CTNS: variants seen among roughly 807,000 people sequenced by gnomAD.
The protein encoded by CTNS is cystinosin, lysosomal cystine transporter.
CTNS carries 27 observed loss-of-function variants against 43.7 expected under a neutral mutation model. The observed-to-expected ratio is 0.62, with a 90% CI of 0.46 to 0.85. The LOEUF (loss-of-function observed/expected upper bound fraction) is 0.85, where lower values mean the gene tolerates loss of function less well. Among genes scored for constraint, CTNS ranks in the 40% least tolerant of loss-of-function variants. The pLI is 0.00. For synonymous variants in CTNS, 187 were observed against 190.6 expected, an observed-to-expected ratio of 0.98 and a Z score of 0.16; for missense variants, 457 against 475.4, an observed-to-expected ratio of 0.96 and a Z score of 0.36.
chr17:3,640,495 A>G (rs927622961), intron 3 of CTNS, among the ~76,000 whole-genome samples: 1 of 152,252 alleles, frequency 6.6e-6, no homozygotes, highest in African/African-American at 2.4e-5. Context: ...CTGCCCTGGT[A>G]TCTCTGTACC....
rs2142984339 is a variant in CTNS at position 3,660,793 on chromosome 17, A to G, written c.*424A>G. 7.5e-6 allele frequency: 12 copies of G among 1,610,250 alleles called. No individual in the cohort carries two copies. The highest frequency in any genetic ancestry group is 8.5e-6 in the Non-Finnish European group (10 of 1,178,948). On this transcript the variant is annotated 3_prime_UTR_variant, in exon 12 of 12. Transcript: ENST00000046640. ...GCCACCGCTGCATTCCCAGAGATCA[A>G]GCAGCCCGGTGCCGTGGCCAGTGAA...
intron 2 of CTNS, among the ~76,000 whole-genome samples, chr17:3,638,226 G>GTTTTTTTTTTTTTTTTTTTTTTTTTTTT (rs755987456): frequency 6.7e-6 from 1 of 148,920 alleles, no homozygotes. Flanking sequence ...TATCAATCTG[G>GTTTTTTTTTTTTTTTTTTTTTTTTTTTT]TTTTTTTTTT....
At chr17:3,656,608 A>C (rs1023162876) in intron 8 of CTNS, 22 bp downstream of exon 8, 2 of 1,611,522 alleles carry the variant, frequency 1.2e-6, no homozygotes, top group Non-Finnish European at 8.5e-7. Flanking sequence ...CCTGCCCTAC[A>C]TCTCTGCCCA....
Position 3,655,231 on chromosome 17 carries a change from C to CGCT in CTNS, c.341_343dup (p.Arg114_Phe115insCys). 1 of 1,614,188 alleles carries CGCT rather than the reference C, an allele frequency of 6.2e-7. No homozygotes were observed. The highest frequency in any genetic ancestry group is 8.5e-7 in the Non-Finnish European group (1 of 1,180,034). Reference sequence around the variant, plus strand: ...CAAACTCCTTTCCAGCCCGAGGATACGCTTTCTTGTGATCCGCAGCAGCGC... The same window carrying CGCT: ...CAAACTCCTTTCCAGCCCGAGGATACGCTGCTTTCTTGTGATCCGCAGCAGCGC... On this transcript the variant is annotated inframe_insertion, in exon 7 of 12. Coordinates refer to ENST00000046640, the MANE Select transcript of CTNS (RefSeq NM_004937.3).
In CTNS at chr17:3,661,366, C is replaced by T. The variant is rs192770466; in HGVS notation, c.*997C>T. 6.4e-6 allele frequency: 1 copy of T among 156,430 alleles called. No homozygotes were observed. The highest frequency in any genetic ancestry group is 6.1e-5 in the Admixed American group (1 of 16,348). The allele number at this position is 156,430 out of a possible 1,614,324, so 9.7% of individuals were successfully genotyped here. On this transcript the variant is annotated 3_prime_UTR_variant, in exon 12 of 12. Coordinates refer to ENST00000046640, the MANE Select transcript of CTNS (RefSeq NM_004937.3). ...TCACACAATCTGTATGGGCCCAACC[C>T]TGATCTCAAACCTCCTTCCCTCTGC...
intron 2 of CTNS, among the ~76,000 whole-genome samples, chr17:3,638,090 G>C (rs982430404): frequency 6.6e-6 from 1 of 152,190 alleles, no homozygotes; most frequent in African/African-American, 2.4e-5. Context: ...TGAAACATGT[G>C]ACATCTGAAT....
intron 7 of CTNS, chr17:3,655,563 T>C (rs1282427418): frequency 1.0e-5 from 6 of 573,514 alleles, no homozygotes; most frequent in South Asian, 1.8e-5. Flanking sequence ...AGCCCCTCCC[T>C]GGGAAAGCAG....
intron 2 of CTNS, 143 bp from the exon 3 acceptor site, chr17:3,640,045 G>GACA (rs2075646970): frequency 1.4e-6 from 1 of 724,600 alleles, no homozygotes. Context: ...TCCCTCTGAG[G>GACA]CCGTGATGCA....
At chr17:3,656,929 T>C in intron 9 of CTNS, 134 bp downstream of exon 9, 1 of 1,428,240 alleles carries the variant, frequency 7.0e-7, no homozygotes, top group Non-Finnish European at 9.5e-7. Context: ...GTGCTGGGCA[T>C]AGAAGACACC....
In CTNS at chr17:3,660,924, T is replaced by G; in HGVS notation, c.*555T>G. 1 of 829,240 alleles carries G rather than the reference T, an allele frequency of 1.2e-6. No individual in the cohort carries two copies. The highest frequency in any genetic ancestry group is 1.9e-6 in the Non-Finnish European group (1 of 524,212). 51.4% of individuals were successfully genotyped at this position (829,240 alleles called of 1,614,324 possible). The stretch of plus-strand genomic sequence containing the variant: ...CTCTCTGTACATAACTCAGCGTCCG[T>G]GACTGCAGTAACAGCCAGCCCTACC... On this transcript the variant is annotated 3_prime_UTR_variant, in exon 12 of 12. Coordinates refer to ENST00000046640, the MANE Select transcript of CTNS (RefSeq NM_004937.3).
rs988397090 is a variant in CTNS, at chr17:3,658,301, C to T, written c.852+126C>T. ...ACAGGACGGAAAGCCACAGGGAGCCCGGGAGCCCAGCGGGAGCGGGGCGGT... is the reference window on the plus strand; with the variant it reads ...ACAGGACGGAAAGCCACAGGGAGCCTGGGAGCCCAGCGGGAGCGGGGCGGT... On this transcript the variant is annotated intron_variant, in intron 10 of 11. Transcript: ENST00000046640. 9 of 1,332,046 alleles carry T rather than the reference C, an allele frequency of 6.8e-6. 1 individual carries two copies. The highest frequency in any genetic ancestry group is 5.0e-4 in the Middle Eastern group (2 of 4,002). The allele number at this position is 1,332,046 out of a possible 1,614,324, so 82.5% of individuals were successfully genotyped here.
chr17:3,637,692 C>G (rs2075568750), intron 2 of CTNS, among the ~76,000 whole-genome samples: 1 of 152,188 alleles, frequency 6.6e-6, no homozygotes, highest in Non-Finnish European at 1.5e-5. Flanking sequence ...GTCTCGAACT[C>G]CTGACCTCAG....
At chr17:3,648,793 T>G in intron 4 of CTNS, 54 bp from the exon 5 acceptor site, 2 of 1,417,292 alleles carry the variant, frequency 1.4e-6, no homozygotes, top group Non-Finnish European at 2.0e-6. Context: ...AGAGGGTTGG[T>G]TGAGATCTCA....
In CTNS at chr17:3,659,943, T is replaced by A. The variant is rs183531080; in HGVS notation, c.938T>A (p.Leu313His). The change falls in exon 11 of 12, where the codon CTC (leucine) becomes CAC (histidine). Residue 313 changes from leucine to histidine, a missense_variant. Transcript: ENST00000046640. ...GACTTCACCGGGGGCAGCTTCAGCC[T>A]CCTGCAGATGTTCCTCCAGTCCTAC... ...LLDFTGGSFS[L>H]LQMFLQSYNN... The A allele has an allele frequency of 1.4e-5, 23 of 1,613,802 alleles. 1 individual carries two copies. The Admixed American group carries it at 3.0e-4, about 21-fold the overall frequency.
At position 3,656,557 on chromosome 17, in the gene CTNS, A is replaced by G. The variant is rs574563482; in HGVS notation, c.532A>G (p.Ile178Val). 1.2e-6 allele frequency: 2 copies of G among 1,609,942 alleles called. No individual in the cohort carries two copies. Among genetic ancestry groups the G allele is most frequent in the African/African-American group, 2.7e-5 (2 of 73,402 alleles). The change falls in exon 8 of 12, where the codon ATC becomes GTC. Residue 178 changes from isoleucine to valine, a missense_variant. Transcript: ENST00000046640. ...CTTCGTGGCCTACAGTGTATTCAACATCGGCCTCCTCTGGGTGCCCTACAT... is the reference window on the plus strand; with the variant it reads ...CTTCGTGGCCTACAGTGTATTCAACGTCGGCCTCCTCTGGGTGCCCTACAT... ...TGFVAYSVFN[I>V]GLLWVPYIKE... is the part of the protein sequence containing the mutation.
At chr17:3,646,892 T>C (rs1258868967) in intron 3 of CTNS, among the ~76,000 whole-genome samples, 1 of 152,134 alleles carries the variant, frequency 6.6e-6, no homozygotes, top group Non-Finnish European at 1.5e-5. Flanking sequence ...ACCCCGCAGA[T>C]AGTCAGCCCC....
In CTNS at chr17:3,648,926, G is replaced by A. The variant is rs139364393; in HGVS notation, c.220G>A (p.Asp74Asn). ...SKNITILELP[D>N]EVVVPPGVTN... ...AAATATTACTATCCTTGAGCTCCCC[G>A]ATGAAGTAAGTAACCAATCTTAACG... Residue 74 changes from aspartate to asparagine, a missense_variant, in exon 5 of 12, where the codon GAT becomes AAT. Coordinates refer to ENST00000046640, the MANE Select transcript of CTNS (RefSeq NM_004937.3). 320 of 1,608,374 alleles carry A rather than the reference G, an allele frequency of 2.0e-4. 1 individual carries two copies. In the African/African-American group the frequency reaches 3.4e-3, roughly 17 times the overall value.
intron 5 of CTNS, among the ~76,000 whole-genome samples, chr17:3,654,243 C>T (rs451594): frequency 0.88 from 133,249 of 152,206 alleles, 60,882 homozygotes; most frequent in Non-Finnish European, 1. Flanking sequence ...ACTCGTTTTA[C>T]AGATGAGCAA....
chr17:3,657,020 C>T (rs2076165366), intron 9 of CTNS: 1 of 641,878 alleles, frequency 1.6e-6, no homozygotes, highest in South Asian at 1.8e-5. Flanking sequence ...AGGCTGAGAG[C>T]CGTGCACAGA....
Sources: allele counts gnomAD v4.1 joint callset (sites outside exome capture counted in the v4.1 genomes callset), GRCh38; gene constraint gnomAD v4.1.1; transcripts MANE v1.5; gene names NCBI Gene and HGNC (gene_info 2026-07-23, HGNC 2026-07-21).